The following PODXL variants were observed in gnomAD, a reference collection of about 807,000 sequenced individuals.
The protein encoded by PODXL is podocalyxin.
PODXL carries 20 observed loss-of-function variants against 48.9 expected under a neutral mutation model. The ratio of observed to expected loss-of-function variants is 0.41; its 90% confidence interval spans 0.29 to 0.59. The LOEUF is 0.59. Ranked by LOEUF, PODXL falls within the 20% of genes least tolerant of loss-of-function variation. The probability of loss-of-function intolerance (pLI) is 0.31; values close to 1 mark genes in which losing one functional copy is unlikely to be tolerated. For missense variants in PODXL, 606 were observed against 675.1 expected, an observed-to-expected ratio of 0.90 and a Z score of 1.13; for synonymous variants, 295 against 287.4, an observed-to-expected ratio of 1.03 and a Z score of -0.27.
chr7:131,556,139 G>C lies in PODXL; in HGVS notation c.100+121C>G, dbSNP rs7779710. 0.014 allele frequency: 17,812 copies of C among 1,275,100 alleles called. 1,958 individuals are homozygous for C. In the African/African-American group the frequency reaches 0.24, roughly 17 times the overall value. 79.0% of individuals were successfully genotyped at this position (1,275,100 alleles called of 1,614,324 possible). A position where few individuals can be genotyped will look rare whatever the true frequency, so the allele number is the denominator to read the frequency against. ...AGGTCAGGGCTCCGTGTGTGACCCC[G>C]GCGGTGATAGGGCTGCTCGGGGTCG... is the stretch of plus-strand genomic sequence containing the variant. On this transcript the variant is annotated intron_variant, in intron 1 of 8. Transcript: ENST00000378555.
chr7:131,505,691 C>T (rs916738837), intron 8 of PODXL, among the ~76,000 whole-genome samples, 177 bp downstream of exon 8: 7 of 152,230 alleles, frequency 4.6e-5, no homozygotes, highest in East Asian at 3.9e-4. Context: ...TCCTCTGCCA[C>T]GCTGCCTCTG....
chr7:131,547,385 A>AG (rs1798596970), intron 1 of PODXL, among the ~76,000 whole-genome samples: 1 of 151,142 alleles, frequency 6.6e-6, no homozygotes, highest in Admixed American at 6.6e-5. Context: ...AAAAAAAAAA[A>AG]AAAAAAAAAA....
intron 1 of PODXL, among the ~76,000 whole-genome samples, chr7:131,543,292 ATTTTT>A (rs1013622046): frequency 2.6e-5 from 4 of 151,936 alleles, no homozygotes; most frequent in Non-Finnish European, 4.4e-5. Flanking sequence ...TGCTTGACTA[ATTTTT>A]AAACTGTATG....
intron 1 of PODXL, among the ~76,000 whole-genome samples, 186 bp downstream of exon 1, chr7:131,556,074 C>T (rs920827692): frequency 1.9e-4 from 29 of 152,360 alleles, no homozygotes; most frequent in African/African-American, 7.0e-4. Context: ...GGCCCTGCAC[C>T]TGCCGCGCTG....
intron 1 of PODXL, among the ~76,000 whole-genome samples, chr7:131,534,884 T>C (rs1173866797): frequency 6.6e-6 from 1 of 152,086 alleles, no homozygotes; most frequent in Non-Finnish European, 1.5e-5. Context: ...ACCCTGTCTC[T>C]ACCAAAAATA....
Position 131,556,533 on chromosome 7 carries a change from G to T in PODXL, c.-174C>A. ...GCGGCGGCTCTTCCTCCCTGCCGCT[G>T]CAGCAGAGCCGGGCTGGGGCGCAGA... On this transcript the variant is annotated 5_prime_UTR_variant, in exon 1 of 9. Transcript: ENST00000378555. 1.4e-6 allele frequency: 1 copy of T among 736,668 alleles called. No individual in the cohort carries two copies. The highest frequency in any genetic ancestry group is 1.9e-6 in the Non-Finnish European group (1 of 537,562). The allele number at this position is 736,668 out of a possible 1,614,324, so 45.6% of individuals were successfully genotyped here. A position where few individuals can be genotyped will look rare whatever the true frequency, so the allele number is the denominator to read the frequency against.
intron 1 of PODXL, among the ~76,000 whole-genome samples, chr7:131,518,169 AG>A (rs1204406805): frequency 3.9e-5 from 6 of 152,200 alleles, no homozygotes; most frequent in African/African-American, 1.2e-4. Context: ...CACAGGTACC[AG>A]GTACCAGAGA....
intron 1 of PODXL, among the ~76,000 whole-genome samples, chr7:131,530,775 AAAG>A (rs1290217781): frequency 2.7e-5 from 4 of 150,734 alleles, no homozygotes; most frequent in Non-Finnish European, 5.9e-5. Context: ...AAAAAAAAAA[AAAG>A]GCCAGGTGTG....
chr7:131,516,868 C>A (rs879563644), intron 1 of PODXL, among the ~76,000 whole-genome samples: 3 of 150,994 alleles, frequency 2.0e-5, no homozygotes, highest in Non-Finnish European at 2.9e-5. Flanking sequence ...TAGCTGGGAG[C>A]ACAGGTGTGC....
intron 6 of PODXL, 100 bp from the exon 7 acceptor site, chr7:131,506,421 C>T (rs561332961): frequency 2.7e-6 from 4 of 1,458,760 alleles, no homozygotes; most frequent in Admixed American, 1.7e-5. Flanking sequence ...ATCTCAGTCT[C>T]CTGAGTGTCT....
In PODXL at chr7:131,556,275, A is replaced by ACGGCGACGGCGACGGCGACGACGGCAG; in HGVS notation, c.58_84dup (p.Leu20_Pro28dup). ...GGCCACTCACCATTCTGGGAGGGCGACGGCGACGGCGACGGCGACGACGGC... is the reference window on the plus strand; with the variant it reads ...GGCCACTCACCATTCTGGGAGGGCGACGGCGACGGCGACGGCGACGACGGCAGCGGCGACGGCGACGGCGACGACGGC... On this transcript the variant is annotated inframe_insertion, in exon 1 of 9. Coordinates refer to ENST00000378555, the MANE Select transcript of PODXL (RefSeq NM_001018111.3). The ACGGCGACGGCGACGGCGACGACGGCAG allele has an allele frequency of 2.6e-6, 2 of 780,530 alleles. No homozygotes were observed. Among genetic ancestry groups the ACGGCGACGGCGACGGCGACGACGGCAG allele is most frequent in the South Asian group, 6.0e-5 (2 of 33,074 alleles). 48.4% of individuals were successfully genotyped at this position (780,530 alleles called of 1,614,324 possible).
intron 1 of PODXL, among the ~76,000 whole-genome samples, chr7:131,536,553 C>A (rs1308636673): frequency 6.6e-6 from 1 of 152,168 alleles, no homozygotes; most frequent in African/African-American, 2.4e-5. Flanking sequence ...TAGAAGTCAG[C>A]CAGCAAAAAA....
chr7:131,529,989 G>GGA (rs1798250484), intron 1 of PODXL, among the ~76,000 whole-genome samples: 1 of 132,938 alleles, frequency 7.5e-6, no homozygotes, highest in African/African-American at 2.5e-5. Context: ...GGTATAGGCG[G>GGA]GGCCTTTCCA....
chr7:131,517,522 C>A (rs964107438), intron 1 of PODXL, among the ~76,000 whole-genome samples: 1 of 152,132 alleles, frequency 6.6e-6, no homozygotes, highest in Admixed American at 6.6e-5. Context: ...TCCATGGCTG[C>A]GTTAACAAAT....
intron 1 of PODXL, among the ~76,000 whole-genome samples, chr7:131,550,517 A>G (rs1166664042): frequency 6.6e-6 from 1 of 152,086 alleles, no homozygotes; most frequent in Non-Finnish European, 1.5e-5. Flanking sequence ...GTGGTGGCGC[A>G]TGCCTGTAGT....
At position 131,523,706 on chromosome 7, in the gene PODXL, GAAAAGA is replaced by G. The variant is rs1360772723; in HGVS notation, c.101-12279_101-12274del. 5.9e-3 allele frequency among the ~76,000 whole-genome samples: 748 copies of G among 127,356 alleles called. 9 individuals carry two copies. The highest frequency in any genetic ancestry group is 0.02 in the African/African-American group (693 of 34,894). The allele number at this position is 127,356 out of a possible 152,430, so 83.6% of individuals were successfully genotyped here. Reference sequence around the variant, plus strand: ...AAAAAAAAAAAAAAAAAAAAAACAAGAAAAGAAAAAGAAAAAGAAAAACCATATGAT... The same window carrying G: ...AAAAAAAAAAAAAAAAAAAAAACAAGAAAAGAAAAAGAAAAACCATATGAT... On this transcript the variant is annotated intron_variant, in intron 1 of 8. Coordinates refer to ENST00000378555, the MANE Select transcript of PODXL (RefSeq NM_001018111.3).
intron 5 of PODXL, among the ~76,000 whole-genome samples, chr7:131,508,014 G>C (rs1300219548): frequency 6.6e-6 from 1 of 152,170 alleles, no homozygotes; most frequent in African/African-American, 2.4e-5. Context: ...GTTCCTAGGG[G>C]GTGGCTGCAA....
At chr7:131,506,874 G>T in intron 5 of PODXL, 148 bp from the exon 6 acceptor site, 2 of 772,116 alleles carry the variant, frequency 2.6e-6, no homozygotes, top group Non-Finnish European at 4.2e-6. Context: ...CTCCACGCAG[G>T]CCTGCCAGGA....
In PODXL at chr7:131,548,455, C is replaced by T. The variant is rs142547775; in HGVS notation, c.100+7805G>A. Among the ~76,000 whole-genome samples the T allele has an allele frequency of 2.9e-3, 435 of 152,354 alleles. 2 individuals are homozygous for T. Among genetic ancestry groups the T allele is most frequent in the Admixed American group, 4.8e-3 (74 of 15,300 alleles). On this transcript the variant is annotated intron_variant, in intron 1 of 8. Coordinates refer to ENST00000378555, the MANE Select transcript of PODXL (RefSeq NM_001018111.3). Reference sequence around the variant, plus strand: ...TGACCACATGCTAAGTTCTGTTCAACAAAATGTGACTAGAAGTGTCACATG... The same window carrying T: ...TGACCACATGCTAAGTTCTGTTCAATAAAATGTGACTAGAAGTGTCACATG...
Sources: allele counts gnomAD v4.1 joint callset (sites outside exome capture counted in the v4.1 genomes callset), GRCh38; gene constraint gnomAD v4.1.1; transcripts MANE v1.5; gene names NCBI Gene and HGNC (gene_info 2026-07-23, HGNC 2026-07-21).